The following CHRM3 variants were observed in gnomAD, a reference collection of about 807,000 sequenced individuals.
CHRM3 encodes the protein cholinergic receptor muscarinic 3, also known as muscarinic acetylcholine receptor M3.
CHRM3 carries 11 observed loss-of-function variants against 41.8 expected under a neutral mutation model. The observed-to-expected ratio is 0.26, with a 90% CI of 0.17 to 0.44. The LOEUF (loss-of-function observed/expected upper bound fraction) is 0.44. Ranked by LOEUF, CHRM3 falls within the 20% of genes least tolerant of loss-of-function variation. CHRM3 has a pLI of 1.00. For synonymous variants in CHRM3, 297 were observed against 301.4 expected, an observed-to-expected ratio of 0.99 and a Z score of 0.15; for missense variants, 571 against 745.4, an observed-to-expected ratio of 0.77 and a Z score of 2.72.
intron 4 of CHRM3, among the ~76,000 whole-genome samples, chr1:239,653,779 G>T (rs1006046292): frequency 6.6e-6 from 1 of 152,106 alleles, no homozygotes; most frequent in Non-Finnish European, 1.5e-5. Context: ...GTGTCCGCAG[G>T]GCTTCAGAGT....
intron 3 of CHRM3, among the ~76,000 whole-genome samples, chr1:239,618,133 T>G (rs921633808): frequency 3.3e-5 from 5 of 151,870 alleles, no homozygotes; most frequent in Non-Finnish European, 4.4e-5. Context: ...TGTGACTTAT[T>G]ACGTATTTTC....
At chr1:239,874,297 A>ATATATATATATATATATATACACAG (rs1676890768) in intron 6 of CHRM3, among the ~76,000 whole-genome samples, 4 of 92,200 alleles carry the variant, frequency 4.3e-5, no homozygotes, top group African/African-American at 1.8e-4. Context: ...ATATATATAT[A>ATATATATATATATATATATACACAG]TATATATATA....
At chr1:239,464,103 C>A (rs1251005344) in intron 1 of CHRM3, among the ~76,000 whole-genome samples, 1 of 151,916 alleles carries the variant, frequency 6.6e-6, no homozygotes, top group African/African-American at 2.4e-5. Flanking sequence ...ATGGTGAAAT[C>A]CCATCTCTAC....
At chr1:239,864,572 A>G (rs1675933933) in intron 6 of CHRM3, among the ~76,000 whole-genome samples, 3 of 152,054 alleles carry the variant, frequency 2.0e-5, no homozygotes, top group African/African-American at 7.3e-5. Context: ...ATACATATAT[A>G]CATATATATG....
intron 5 of CHRM3, among the ~76,000 whole-genome samples, chr1:239,727,142 T>C (rs190978335): frequency 2.6e-5 from 4 of 152,046 alleles, no homozygotes; most frequent in Admixed American, 2.6e-4. Context: ...AACAATGTGC[T>C]TGACACATAG....
chr1:239,864,960 T>C (rs1372454674), intron 6 of CHRM3, among the ~76,000 whole-genome samples: 1 of 152,068 alleles, frequency 6.6e-6, no homozygotes, highest in African/African-American at 2.4e-5. Context: ...GGTGACAACA[T>C]CTATCACACT....
intron 4 of CHRM3, among the ~76,000 whole-genome samples, chr1:239,651,852 C>G (rs575351981): frequency 2.2e-4 from 34 of 152,000 alleles, no homozygotes; most frequent in South Asian, 4.2e-4. Flanking sequence ...CCAGACAGCA[C>G]CCCCCCACAC....
At chr1:239,701,497 TCTC>T (rs987416999) in intron 5 of CHRM3, among the ~76,000 whole-genome samples, 75 of 152,304 alleles carry the variant, frequency 4.9e-4, no homozygotes, top group African/African-American at 1.6e-3. Context: ...ACTGTCAAGT[TCTC>T]CTCCTTGTTG....
intron 3 of CHRM3, among the ~76,000 whole-genome samples, chr1:239,558,218 C>T (rs970412459): frequency 2.0e-5 from 3 of 152,140 alleles, no homozygotes; most frequent in Admixed American, 1.3e-4. Flanking sequence ...TTTTGATTTG[C>T]ATTTCTCTAA....
chr1:239,893,525 C>A (rs1678720768), intron 6 of CHRM3, among the ~76,000 whole-genome samples: 1 of 152,144 alleles, frequency 6.6e-6, no homozygotes, highest in Admixed American at 6.5e-5. Flanking sequence ...ACATCCATTT[C>A]TTCACCCTTA....
intron 1 of CHRM3, among the ~76,000 whole-genome samples, chr1:239,463,050 T>G (rs996505495): frequency 6.6e-6 from 1 of 152,220 alleles, no homozygotes; most frequent in Non-Finnish European, 1.5e-5. Context: ...TAAACCAGAC[T>G]GTGTATAACT....
At chr1:239,642,487 A>C (rs374751547) in intron 4 of CHRM3, among the ~76,000 whole-genome samples, 2 of 151,768 alleles carry the variant, frequency 1.3e-5, no homozygotes, top group African/African-American at 4.8e-5. Flanking sequence ...TTTTATCTAA[A>C]CTTCCCTTCT....
Position 239,620,082 on chromosome 1 carries a change from GAGTT to G in CHRM3, c.-312-12139_-312-12136del, listed in dbSNP as rs1273380395. ...TAAAAATTACAGGAAACCATTTGGT[GAGTT>G]AGACATTTTTAAAATTATAGTTTTG... On this transcript the variant is annotated intron_variant, in intron 3 of 6. Coordinates refer to ENST00000676153, the MANE Select transcript of CHRM3 (RefSeq NM_001375978.1). Among the ~76,000 whole-genome samples, 3 of 152,278 alleles carry G rather than the reference GAGTT, an allele frequency of 2.0e-5. No individual in the cohort carries two copies. The East Asian group carries it at 5.8e-4, about 29-fold the overall frequency.
chr1:239,449,051 C>CATAAA (rs1368067684), intron 1 of CHRM3, among the ~76,000 whole-genome samples: 1 of 152,014 alleles, frequency 6.6e-6, no homozygotes, highest in East Asian at 1.9e-4. Flanking sequence ...TTTATTGTAA[C>CATAAA]CGTTTGTTAC....
chr1:239,884,894 A>G (rs1677944392), intron 6 of CHRM3, among the ~76,000 whole-genome samples: 4 of 152,188 alleles, frequency 2.6e-5, no homozygotes, highest in Admixed American at 2.0e-4. Flanking sequence ...CTGGTAAAAA[A>G]ACAAGCATAA....
At chr1:239,867,153 T>A (rs1676180567) in intron 6 of CHRM3, among the ~76,000 whole-genome samples, 1 of 152,144 alleles carries the variant, frequency 6.6e-6, no homozygotes, top group African/African-American at 2.4e-5. Flanking sequence ...ATCCATAATC[T>A]GGAGAGACAT....
intron 3 of CHRM3, among the ~76,000 whole-genome samples, chr1:239,631,100 C>T (rs1246591908): frequency 1.3e-5 from 2 of 152,182 alleles, no homozygotes; most frequent in Admixed American, 1.3e-4. Flanking sequence ...TGCTTGTGAG[C>T]ATAAATGTGC....
intron 1 of CHRM3, among the ~76,000 whole-genome samples, chr1:239,431,755 A>G (rs1350170794): frequency 6.6e-6 from 1 of 152,220 alleles, no homozygotes. Flanking sequence ...TGAAAAGGGT[A>G]CCTTAATCCT....
At chr1:239,465,470 A>G (rs1047738260) in intron 1 of CHRM3, among the ~76,000 whole-genome samples, 2 of 152,214 alleles carry the variant, frequency 1.3e-5, no homozygotes, top group African/African-American at 4.8e-5. Context: ...CTCCATAGGC[A>G]GAGCAGTTTT....
Sources: gnomAD v4.1 joint callset for allele counts (sites outside exome capture counted in the v4.1 genomes callset) on GRCh38, gnomAD v4.1.1 for gene constraint, MANE v1.5 for transcripts, NCBI Gene and HGNC (gene_info 2026-07-23, HGNC 2026-07-21) for gene names.